The following C9 variants were observed in gnomAD, a reference collection of about 807,000 sequenced individuals.
The protein encoded by C9 is complement component C9.
A neutral mutation model predicts 65.4 loss-of-function variants in C9; 63 were observed. That is an observed-to-expected ratio of 0.96 (90% CI 0.79 to 1.19). The LOEUF (loss-of-function observed/expected upper bound fraction) is 1.19, where lower values mean the gene tolerates loss of function less well. Ranked by LOEUF, C9 falls within the 50% of genes most tolerant of loss-of-function variation. The probability of loss-of-function intolerance (pLI) is 0.00; values close to 1 mark genes in which losing one functional copy is unlikely to be tolerated. For synonymous variants in C9, 229 were observed against 227.9 expected, an observed-to-expected ratio of 1.00 and a Z score of -0.04; for missense variants, 744 against 670.1, an observed-to-expected ratio of 1.11 and a Z score of -1.22.
intron 9 of C9, among the ~76,000 whole-genome samples, chr5:39,306,006 C>G (rs1006740969): frequency 6.6e-6 from 1 of 151,760 alleles, no homozygotes; most frequent in Admixed American, 6.6e-5. Context: ...ACTAAAAATA[C>G]AAGAAAATTA....
At chr5:39,311,891 A>C (rs1178496795) in intron 6 of C9, among the ~76,000 whole-genome samples, 1 of 152,194 alleles carries the variant, frequency 6.6e-6, no homozygotes, top group African/African-American at 2.4e-5. Context: ...AACATAAATA[A>C]ATCTCAAAAA....
intron 9 of C9, among the ~76,000 whole-genome samples, chr5:39,305,877 T>C (rs912885171): frequency 6.6e-6 from 1 of 152,090 alleles, no homozygotes; most frequent in Admixed American, 6.6e-5. Flanking sequence ...TAAAGACCCT[T>C]AGGCCAGGCA....
chr5:39,357,787 T>C (rs1368197406), intron 1 of C9, among the ~76,000 whole-genome samples: 3 of 152,218 alleles, frequency 2.0e-5, no homozygotes, highest in African/African-American at 4.8e-5. Flanking sequence ...TGTGCTTCTA[T>C]TGAAGTTGGC....
chr5:39,328,416 C>A (rs891858900), intron 5 of C9, among the ~76,000 whole-genome samples: 4 of 152,156 alleles, frequency 2.6e-5, no homozygotes, highest in Non-Finnish European at 5.9e-5. Context: ...ACCTACTGAA[C>A]AATGTGGAGG....
intron 2 of C9, 56 bp downstream of exon 2, chr5:39,342,035 C>T (rs1579871658): frequency 1.0e-6 from 1 of 981,016 alleles, no homozygotes; most frequent in African/African-American, 1.6e-5. Context: ...TCTGGAGAGG[C>T]TAGCAATACA....
At chr5:39,332,707 C>T (rs1333098773) in intron 4 of C9, among the ~76,000 whole-genome samples, 2 of 152,214 alleles carry the variant, frequency 1.3e-5, no homozygotes, top group African/African-American at 4.8e-5. Flanking sequence ...ACAAACTCTT[C>T]CATTGCCCTA....
rs766483572 is a variant in C9, at chr5:39,315,841, ACC to A, written c.802_803del (p.Gly268Ter). On this transcript the variant is annotated frameshift_variant, in exon 6 of 11. Coordinates refer to ENST00000263408, the MANE Select transcript of C9 (RefSeq NM_001737.5). LOFTEE classifies it high-confidence loss of function. The stretch of plus-strand genomic sequence containing the variant: ...TTTTGGAATATGAAAACCGAAAACT[ACC>A]CTTGCCATGTAAAGAAATTGAGGAG... ...TASSISLHGK[G>X]SFRFSYSKNE... The A allele has an allele frequency of 6.2e-7, 1 of 1,610,948 alleles. No individual in the cohort carries two copies. Among genetic ancestry groups the A allele is most frequent in the African/African-American group, 1.3e-5 (1 of 74,818 alleles).
At chr5:39,296,671 G>T (rs959797731) in intron 9 of C9, among the ~76,000 whole-genome samples, 3 of 151,470 alleles carry the variant, frequency 2.0e-5, no homozygotes, top group African/African-American at 7.3e-5. Flanking sequence ...ATTATTCACA[G>T]TAGCCACATG....
Position 39,341,583 on chromosome 5 carries a change from A to C in C9, c.301T>G (p.Cys101Gly), listed in dbSNP as rs746972984. 1.9e-6 allele frequency: 3 copies of C among 1,614,108 alleles called. No individual in the cohort carries two copies. The highest frequency in any genetic ancestry group is 1.7e-5 in the Admixed American group (1 of 60,022). Residue 101 changes from cysteine (C) to glycine (G), a missense_variant, in exon 3 of 11, where the codon TGC becomes GGC. Physicochemically the swap from Cys to Gly is radical, Grantham distance 159. Transcript: ENST00000263408. ...TEPCEDAEDDCGNDFQCSTGR... is the reference protein window; with the variant it reads ...TEPCEDAEDDGGNDFQCSTGR... ...GTACTGCATTGAAAGTCATTTCCGC[A>C]GTCATCCTCAGCATCCTCACAGGGC...
At chr5:39,330,406 T>C (rs1753819118) in intron 5 of C9, among the ~76,000 whole-genome samples, 1 of 152,200 alleles carries the variant, frequency 6.6e-6, no homozygotes, top group Non-Finnish European at 1.5e-5. Flanking sequence ...GCCGTCACTA[T>C]TCTATGTCGT....
chr5:39,314,019 T>C (rs914496335), intron 6 of C9, among the ~76,000 whole-genome samples: 1 of 152,174 alleles, frequency 6.6e-6, no homozygotes, highest in Non-Finnish European at 1.5e-5. Context: ...TGAACTACCA[T>C]CATGTCTCAC....
At chr5:39,360,653 G>A (rs371950109) in intron 1 of C9, among the ~76,000 whole-genome samples, 13 of 151,974 alleles carry the variant, frequency 8.6e-5, no homozygotes, top group South Asian at 2.1e-4. Context: ...AATAGTTCGC[G>A]AAGAAAAACA....
intron 7 of C9, among the ~76,000 whole-genome samples, chr5:39,310,553 G>A (rs1579849743): frequency 6.6e-6 from 1 of 151,958 alleles, no homozygotes; most frequent in African/African-American, 2.4e-5. Context: ...TTTTCCCCAT[G>A]ATTTCCCCAT....
In C9 at chr5:39,285,252, T is replaced by A; in HGVS notation, c.1646-19A>T. ...GGCAATCCTAGAGAAAACAAATAAG[T>A]ATCAAATCTTAATCATCAATAGGAT... is the stretch of plus-strand genomic sequence containing the variant. On this transcript the variant is annotated intron_variant, in intron 10 of 10. Coordinates refer to ENST00000263408, the MANE Select transcript of C9 (RefSeq NM_001737.5). The A allele has an allele frequency of 6.2e-7, 1 of 1,604,580 alleles. No individual in the cohort carries two copies. Among genetic ancestry groups the A allele is most frequent in the Non-Finnish European group, 8.5e-7 (1 of 1,171,482 alleles).
chr5:39,318,830 G>A (rs1753618700), intron 5 of C9, among the ~76,000 whole-genome samples: 2 of 152,102 alleles, frequency 1.3e-5, no homozygotes, highest in African/African-American at 2.4e-5. Flanking sequence ...AAACTGCCTA[G>A]CATAACAGGG....
chr5:39,313,409 A>G (rs1430400433), intron 6 of C9, among the ~76,000 whole-genome samples: 1 of 151,744 alleles, frequency 6.6e-6, no homozygotes, highest in East Asian at 1.9e-4. Context: ...ATCTTCTTTG[A>G]CATGTTAGCA....
At chr5:39,328,562 G>T (rs1753790343) in intron 5 of C9, among the ~76,000 whole-genome samples, 1 of 152,086 alleles carries the variant, frequency 6.6e-6, no homozygotes, top group Admixed American at 6.5e-5. Flanking sequence ...GATTGTAGGA[G>T]GAATGGAAAC....
chr5:39,339,614 C>T (rs140221679), intron 4 of C9, among the ~76,000 whole-genome samples: 1 of 149,150 alleles, frequency 6.7e-6, no homozygotes, highest in Non-Finnish European at 1.5e-5. Flanking sequence ...TCCAAGATGT[C>T]ACAGCTACAA....
rs1490490803 is a variant in C9, at chr5:39,311,016, T to C, written c.1111+121A>G. ...GCCAAAGGGCAGGAAGAGAGTCCTCTCAAAGGAGCAGGTTACAGGGCTTTG... is the reference window on the plus strand; with the variant it reads ...GCCAAAGGGCAGGAAGAGAGTCCTCCCAAAGGAGCAGGTTACAGGGCTTTG... On this transcript the variant is annotated intron_variant, in intron 7 of 10. Transcript: ENST00000263408. The C allele has an allele frequency of 1.4e-5, 16 of 1,112,970 alleles. No individual in the cohort carries two copies. The South Asian group carries it at 1.5e-4, about 11-fold the overall frequency. 68.9% of individuals were successfully genotyped at this position (1,112,970 alleles called of 1,614,324 possible). A position where few individuals can be genotyped will look rare whatever the true frequency, so the allele number is the denominator to read the frequency against.
Sources: gnomAD v4.1 joint callset for allele counts (sites outside exome capture counted in the v4.1 genomes callset) on GRCh38, gnomAD v4.1.1 for gene constraint, MANE v1.5 for transcripts, NCBI Gene and HGNC (gene_info 2026-07-23, HGNC 2026-07-21) for gene names.